The following LTBP1 variants were observed in gnomAD, a reference collection of about 807,000 sequenced individuals.
LTBP1 encodes latent transforming growth factor beta binding protein 1.
In LTBP1, 129 loss-of-function variants were observed where a neutral mutation model predicts 207.6. The ratio of observed to expected loss-of-function variants is 0.62; its 90% CI spans 0.54 to 0.72. The LOEUF (loss-of-function observed/expected upper bound fraction) is 0.72. Among genes scored for constraint, LTBP1 ranks in the 30% least tolerant of loss-of-function variants. The pLI is 0.00. For synonymous variants in LTBP1, 963 were observed against 833.7 expected (o/e 1.16, Z -2.67); for missense variants, 2,281 against 2,217.2 (o/e 1.03, Z -0.58).
intron 24 of LTBP1, among the ~76,000 whole-genome samples, chr2:33,317,248 T>G (rs2094287016): frequency 6.6e-6 from 1 of 152,226 alleles, no homozygotes; most frequent in Admixed American, 6.5e-5. Context: ...ACTGTACTCA[T>G]TGAGTATACT....
chr2:33,064,285 A>G (rs1488497153), intron 3 of LTBP1, among the ~76,000 whole-genome samples: 1 of 152,222 alleles, frequency 6.6e-6, no homozygotes, highest in East Asian at 1.9e-4. Context: ...AAATTCACAC[A>G]TTAGTCTGGT....
At chr2:33,222,598 T>C (rs147174913) in intron 9 of LTBP1, among the ~76,000 whole-genome samples, 200 of 152,300 alleles carry the variant, frequency 1.3e-3, no homozygotes, top group African/African-American at 4.7e-3. Flanking sequence ...GATATCAGAG[T>C]AAACACATTT....
intron 26 of LTBP1, among the ~76,000 whole-genome samples, chr2:33,358,393 A>G (rs1412673317): frequency 5.9e-5 from 9 of 151,852 alleles, no homozygotes; most frequent in African/African-American, 1.2e-4. Flanking sequence ...GTATTTGTCT[A>G]TATATATGTG....
chr2:32,969,598 A>G (rs1680555423), intron 2 of LTBP1, among the ~76,000 whole-genome samples: 1 of 152,198 alleles, frequency 6.6e-6, no homozygotes, highest in African/African-American at 2.4e-5. Flanking sequence ...TGCAAAGGAC[A>G]TGATCTCATT....
intron 18 of LTBP1, among the ~76,000 whole-genome samples, chr2:33,276,645 G>C (rs910571648): frequency 2.0e-5 from 3 of 152,230 alleles, no homozygotes; most frequent in African/African-American, 7.2e-5. Flanking sequence ...GAGGCCAGGA[G>C]TTTGAGACCA....
At position 33,162,763 on chromosome 2, in the gene LTBP1, G is replaced by A. The variant is rs144585518; in HGVS notation, c.1202-24093G>A. Among the ~76,000 whole-genome samples the A allele has an allele frequency of 2.1e-3, 322 of 152,090 alleles. 1 individual carries two copies. The highest frequency in any genetic ancestry group is 6.8e-3 in the Middle Eastern group (2 of 294). ...TTTATTATTGTTTCTTGTTCTTTTC[G>A]TTAAAGGGAATAAACAATATAAGTG... On this transcript the variant is annotated intron_variant, in intron 5 of 33. Transcript: ENST00000404816.
intron 3 of LTBP1, among the ~76,000 whole-genome samples, chr2:33,059,966 TAAAG>T (rs758164671): frequency 2.0e-5 from 3 of 152,238 alleles, no homozygotes; most frequent in Non-Finnish European, 1.5e-5. Context: ...ACTCAGTTCT[TAAAG>T]AAAATAGCTA....
At position 33,398,420 on chromosome 2, in the gene LTBP1, T is replaced by C; in HGVS notation, c.5041T>C (p.Cys1681Arg). The C allele has an allele frequency of 6.2e-7, 1 of 1,614,168 alleles. No individual in the cohort carries two copies. The highest frequency in any genetic ancestry group is 8.5e-7 in the Non-Finnish European group (1 of 1,180,012). The change falls in exon 34 of 34, where the codon TGC (cysteine) becomes CGC (arginine). Residue 1681 changes from cysteine to arginine, a missense_variant. Coordinates refer to ENST00000404816, the MANE Select transcript of LTBP1 (RefSeq NM_206943.4). The part of the protein sequence containing the change: ...NRMSLCKNAK[C>R]INTDGSYKCL... ...GATGTCTCTCTGCAAGAATGCCAAG[T>C]GCATTAACACCGATGGTTCCTACAA... is the stretch of plus-strand genomic sequence containing the variant.
chr2:33,327,209 A>G (rs1337669888), intron 24 of LTBP1, among the ~76,000 whole-genome samples: 2 of 152,208 alleles, frequency 1.3e-5, no homozygotes, highest in African/African-American at 4.8e-5. Context: ...GTGTCTCCTT[A>G]TGAATGCTTT....
At chr2:33,316,620 G>T (rs2094277069) in intron 24 of LTBP1, among the ~76,000 whole-genome samples, 1 of 152,170 alleles carries the variant, frequency 6.6e-6, no homozygotes. Context: ...TTGGGAAATG[G>T]AAGAAAGCAT....
intron 1 of LTBP1, among the ~76,000 whole-genome samples, chr2:32,948,138 T>C (rs1676547917): frequency 6.6e-6 from 1 of 152,202 alleles, no homozygotes; most frequent in Non-Finnish European, 1.5e-5. Context: ...AAACTTGAGG[T>C]CACTACAGTT....
In LTBP1 at chr2:33,194,227, C is replaced by A. The variant is rs183123122; in HGVS notation, c.1701+5376C>A. 7.2e-3 allele frequency among the ~76,000 whole-genome samples: 1,089 copies of A among 152,160 alleles called. 4 individuals carry two copies. The highest frequency in any genetic ancestry group is 0.011 in the Non-Finnish European group (774 of 68,014). ...GTCTCGATCTCCTGACCTCGTGATCCACCCTCCTCGGCCTCCCAAAGTGCT... is the reference window on the plus strand; with the variant it reads ...GTCTCGATCTCCTGACCTCGTGATCAACCCTCCTCGGCCTCCCAAAGTGCT... On this transcript the variant is annotated intron_variant, in intron 7 of 33. Coordinates refer to ENST00000404816, the MANE Select transcript of LTBP1 (RefSeq NM_206943.4).
intron 4 of LTBP1, among the ~76,000 whole-genome samples, chr2:33,126,642 T>G (rs1458177482): frequency 6.6e-6 from 1 of 152,230 alleles, no homozygotes; most frequent in Non-Finnish European, 1.5e-5. Flanking sequence ...TGTTTTTCAA[T>G]TTTATTTATC....
At chr2:33,375,704 A>T (rs865797812) in intron 31 of LTBP1, among the ~76,000 whole-genome samples, 3,782 of 113,582 alleles carry the variant, frequency 0.033, 60 homozygotes, top group South Asian at 0.066. Flanking sequence ...ATTTTTTTGT[A>T]TTTTTTTTTT....
intron 2 of LTBP1, among the ~76,000 whole-genome samples, chr2:33,009,256 T>C (rs141327670): frequency 7.6e-4 from 115 of 152,202 alleles, no homozygotes; most frequent in South Asian, 1.2e-3. Context: ...TGGAGCTGGA[T>C]TGGATGTGTG....
intron 3 of LTBP1, among the ~76,000 whole-genome samples, chr2:33,025,452 G>C (rs957299965): frequency 3.9e-5 from 6 of 152,132 alleles, no homozygotes; most frequent in African/African-American, 1.4e-4. Context: ...AGAGAAAAAA[G>C]TAATGGAAGG....
At chr2:33,202,628 T>C (rs1279146342) in intron 7 of LTBP1, among the ~76,000 whole-genome samples, 1 of 152,206 alleles carries the variant, frequency 6.6e-6, no homozygotes, top group African/African-American at 2.4e-5. Flanking sequence ...CCATAAACTA[T>C]GTAAATAGAT....
At chr2:33,163,081 G>A (rs113612232) in intron 5 of LTBP1, among the ~76,000 whole-genome samples, 2,307 of 152,242 alleles carry the variant, frequency 0.015, 23 homozygotes, top group East Asian at 0.027. Flanking sequence ...CCCTGGGCTC[G>A]AGCAATCCTC....
At chr2:33,177,156 G>A (rs1483028350) in intron 5 of LTBP1, among the ~76,000 whole-genome samples, 1 of 152,140 alleles carries the variant, frequency 6.6e-6, no homozygotes, top group Non-Finnish European at 1.5e-5. Context: ...TCTATGCTCT[G>A]TATTCTCCCC....
Sources: allele counts gnomAD v4.1 joint callset (sites outside exome capture counted in the v4.1 genomes callset), GRCh38; gene constraint gnomAD v4.1.1; transcripts MANE v1.5; gene names NCBI Gene and HGNC (gene_info 2026-07-23, HGNC 2026-07-21).